TFAP2C: variants seen among roughly 807,000 people sequenced by gnomAD.
TFAP2C encodes activating enhancer-binding protein 2 gamma.
TFAP2C carries 9 observed loss-of-function variants against 42.9 expected under a neutral mutation model. The observed-to-expected ratio is 0.21, with a 90% CI of 0.13 to 0.37. The LOEUF (loss-of-function observed/expected upper bound fraction) is 0.37, where lower values mean the gene tolerates loss of function less well. Ranked by LOEUF, TFAP2C falls within the 10% of genes least tolerant of loss-of-function variation. The pLI is 1.00. For synonymous variants in TFAP2C, 264 were observed against 256.0 expected (o/e 1.03, Z -0.30); for missense variants, 462 against 591.7 (o/e 0.78, Z 2.27).
Position 56,631,888 on chromosome 20 carries a change from G to C in TFAP2C, c.586+32G>C, listed in dbSNP as rs1373216855. On this transcript the variant is annotated intron_variant, in intron 3 of 6. Coordinates refer to ENST00000201031, the MANE Select transcript of TFAP2C (RefSeq NM_003222.4). The surrounding 1 kb of genome is among the most constrained non-coding windows in gnomAD (Gnocchi z 6.1). ...AGCAAGGTGGCATCGTCTAACTCTG[G>C]TCACACGATCTGGGCTTGTGAAGTT... 1 of 1,613,590 alleles carries C rather than the reference G, an allele frequency of 6.2e-7. No homozygotes were observed. The highest frequency in any genetic ancestry group is 8.5e-7 in the Non-Finnish European group (1 of 1,179,540).
Position 56,635,554 on chromosome 20 carries a change from C to A in TFAP2C, c.923-1056C>A, listed in dbSNP as rs184564363. Among the ~76,000 whole-genome samples, 14 of 151,832 alleles carry A rather than the reference C, an allele frequency of 9.2e-5. 1 individual carries two copies. The East Asian group carries it at 2.1e-3, about 23-fold the overall frequency. ...GATCTGCCCCTTCAGTAAAAAGGCACTATTAAAAAAAAAGTAAGCTGTCAG... is the reference window on the plus strand; with the variant it reads ...GATCTGCCCCTTCAGTAAAAAGGCAATATTAAAAAAAAAGTAAGCTGTCAG... On this transcript the variant is annotated intron_variant, in intron 5 of 6. Coordinates refer to ENST00000201031, the MANE Select transcript of TFAP2C (RefSeq NM_003222.4).
At position 56,635,720 on chromosome 20, in the gene TFAP2C, G is replaced by T. The variant is rs578000014; in HGVS notation, c.923-890G>T. On this transcript the variant is annotated intron_variant, in intron 5 of 6. Transcript: ENST00000201031. The stretch of plus-strand genomic sequence containing the variant: ...ATGTTTGATTATCTGTTGAGCAGAG[G>T]ACTGGTAAACATTTTTCAAGTTTAC... 4.6e-3 allele frequency among the ~76,000 whole-genome samples: 701 copies of T among 152,228 alleles called. 5 individuals are homozygous for T. The highest frequency in any genetic ancestry group is 0.016 in the African/African-American group (681 of 41,502).
Position 56,637,897 on chromosome 20 carries a change from C to T in TFAP2C, c.1237C>T (p.Gln413Ter). The stretch of plus-strand genomic sequence containing the variant: ...CATCTGTGCCGCGGTGTCTGCCCTG[C>T]AGAACTACATCAAAGAAGCCCTGAT... ...QAICAAVSAL[Q>*]NYIKEALIVI... The change falls in exon 7 of 7, where the codon CAG (glutamine) becomes TAG (stop). Residue 413 changes from glutamine (Q) to a stop codon, truncating the protein, a stop_gained. Transcript: ENST00000201031. LOFTEE classifies it high-confidence loss of function. 1 of 1,606,838 alleles carries T rather than the reference C, an allele frequency of 6.2e-7. No individual in the cohort carries two copies. Among genetic ancestry groups the T allele is most frequent in the Non-Finnish European group, 8.5e-7 (1 of 1,173,322 alleles).
chr20:56,635,388 G>C (rs1987564908), intron 5 of TFAP2C, among the ~76,000 whole-genome samples: 1 of 152,152 alleles, frequency 6.6e-6, no homozygotes, highest in African/African-American at 2.4e-5. Context: ...CCTGGAGCCA[G>C]GGAAGGTACC....
Position 56,631,586 on chromosome 20 carries a change from C to T in TFAP2C, c.430C>T (p.Arg144Cys), listed in dbSNP as rs774530426. ...GGTGAGCGCCCGCAGGGATGCCTAC[C>T]GCCGCTCCGACCTGCTGCTGCCCCA... is the stretch of plus-strand genomic sequence containing the variant. ...GAVSARRDAY[R>C]RSDLLLPHAH... is the part of the protein sequence containing the mutation. The change falls in exon 2 of 7, where the codon CGC becomes TGC. Residue 144 changes from arginine to cysteine, a missense_variant. Arg to Cys is a radical substitution (Grantham distance 180). Transcript: ENST00000201031. The surrounding 1 kb of genome is among the most constrained non-coding windows in gnomAD (Gnocchi z 6.1). The T allele has an allele frequency of 3.9e-6, 6 of 1,543,696 alleles. No individual in the cohort carries two copies. The highest frequency in any genetic ancestry group is 4.3e-6 in the Non-Finnish European group (5 of 1,152,250).
chr20:56,638,898 A>T lies in TFAP2C; in HGVS notation c.*885A>T, dbSNP rs1360623609. The T allele has an allele frequency of 1.3e-5, 2 of 152,486 alleles. No individual in the cohort carries two copies. Among genetic ancestry groups the T allele is most frequent in the African/African-American group, 4.8e-5 (2 of 41,404 alleles). The allele number at this position is 152,486 out of a possible 1,614,324, so 9.4% of individuals were successfully genotyped here. On this transcript the variant is annotated 3_prime_UTR_variant, in exon 7 of 7. Coordinates refer to ENST00000201031, the MANE Select transcript of TFAP2C (RefSeq NM_003222.4). ...GAGTGTACAGATTTTATTTATGCGT[A>T]ATTTAATGGGGTCTGTAAATACTGG...
chr20:56,635,963 A>G (rs1987575676), intron 5 of TFAP2C, among the ~76,000 whole-genome samples: 1 of 152,206 alleles, frequency 6.6e-6, no homozygotes, highest in Non-Finnish European at 1.5e-5. Context: ...GTGTGTGTTC[A>G]GTACAGACAC....
chr20:56,635,370 T>C (rs576110491), intron 5 of TFAP2C, among the ~76,000 whole-genome samples: 377 of 152,204 alleles, frequency 2.5e-3, no homozygotes, highest in Admixed American at 4.6e-3. Context: ...AGCTCACCAG[T>C]CCTGCACCCT....
At chr20:56,633,618 G>A (rs757613838) in intron 4 of TFAP2C, 49 bp downstream of exon 4, 149 of 1,380,864 alleles carry the variant, frequency 1.1e-4, no homozygotes, top group Non-Finnish European at 1.5e-4. Flanking sequence ...TTGAAGGTGA[G>A]TGTATCAGAG....
At chr20:56,632,908 C>T (rs1168539757) in intron 3 of TFAP2C, among the ~76,000 whole-genome samples, 1 of 152,058 alleles carries the variant, frequency 6.6e-6, no homozygotes, top group Non-Finnish European at 1.5e-5. Flanking sequence ...AGATTTGTCT[C>T]TGAAGTAGGG....
rs1190237369 is a variant in TFAP2C at position 56,630,595 on chromosome 20, C to T, written c.49-610C>T. On this transcript the variant is annotated intron_variant, in intron 1 of 6. Coordinates refer to ENST00000201031, the MANE Select transcript of TFAP2C (RefSeq NM_003222.4). The surrounding 1 kb of genome is among the most constrained non-coding windows in gnomAD (Gnocchi z 5.1). ...GGGCCCGGCCAGCAGGGAGGGCCGC[C>T]CTGTGCGCGCGCTCCCTCTTCACTT... is the stretch of plus-strand genomic sequence containing the variant. 2.6e-6 allele frequency: 2 copies of T among 762,028 alleles called. No homozygotes were observed. The highest frequency in any genetic ancestry group is 2.6e-4 in the East Asian group (2 of 7,780). The allele number at this position is 762,028 out of a possible 1,614,324, so 47.2% of individuals were successfully genotyped here.
Position 56,638,415 on chromosome 20 carries a change from C to CT in TFAP2C, c.*410dup, listed in dbSNP as rs1209061389. On this transcript the variant is annotated 3_prime_UTR_variant, in exon 7 of 7. Transcript: ENST00000201031. ...CCCTAGATCAACAGATCAACAATACCTTTTTTTTCAGTGTTAAGGTAATGG... is the reference window on the plus strand; with the variant it reads ...CCCTAGATCAACAGATCAACAATACCTTTTTTTTTCAGTGTTAAGGTAATGG... The CT allele has an allele frequency of 6.6e-5, 11 of 166,060 alleles. No homozygotes were observed. The highest frequency in any genetic ancestry group is 1.1e-4 in the Admixed American group (2 of 17,490). The allele number at this position is 166,060 out of a possible 1,614,324, so 10.3% of individuals were successfully genotyped here. A position where few individuals can be genotyped will look rare whatever the true frequency, so the allele number is the denominator to read the frequency against.
rs971300475 is a variant in TFAP2C, at chr20:56,638,147, C to T, written c.*134C>T. 4 of 784,942 alleles carry T rather than the reference C, an allele frequency of 5.1e-6. No individual in the cohort carries two copies. In the African/African-American group the frequency reaches 7.0e-5, roughly 14 times the overall value. The allele number at this position is 784,942 out of a possible 1,614,324, so 48.6% of individuals were successfully genotyped here. On this transcript the variant is annotated 3_prime_UTR_variant, in exon 7 of 7. Coordinates refer to ENST00000201031, the MANE Select transcript of TFAP2C (RefSeq NM_003222.4). ...CCTACCTTACTATTTAAAGAGCCTTCACTGGTTCTGCATCACCCGCCCCTG... is the reference window on the plus strand; with the variant it reads ...CCTACCTTACTATTTAAAGAGCCTTTACTGGTTCTGCATCACCCGCCCCTG...
Position 56,630,959 on chromosome 20 carries a change from C to T in TFAP2C, c.49-246C>T. Reference sequence around the variant, plus strand: ...CTTGGGAGCAGCGCCTAGACCTTCGCCGCCGGGCTTTGAGAACTCGTTCCC... The same window carrying T: ...CTTGGGAGCAGCGCCTAGACCTTCGTCGCCGGGCTTTGAGAACTCGTTCCC... On this transcript the variant is annotated intron_variant, in intron 1 of 6. Transcript: ENST00000201031. The surrounding 1 kb of genome is among the most constrained non-coding windows in gnomAD (Gnocchi z 5.1). 1 of 985,426 alleles carries T rather than the reference C, an allele frequency of 1.0e-6. No individual in the cohort carries two copies. The highest frequency in any genetic ancestry group is 1.2e-6 in the Non-Finnish European group (1 of 829,926). The allele number at this position is 985,426 out of a possible 1,614,324, so 61.0% of individuals were successfully genotyped here.
At chr20:56,637,630 C>G in intron 6 of TFAP2C, 98 bp from the exon 7 acceptor site, 1 of 1,190,124 alleles carries the variant, frequency 8.4e-7, no homozygotes, top group Non-Finnish European at 1.2e-6. Flanking sequence ...AGCAGTTGTG[C>G]TTGCCTCCCG....
Position 56,630,926 on chromosome 20 carries a change from G to T in TFAP2C, c.49-279G>T, listed in dbSNP as rs943720955. On this transcript the variant is annotated intron_variant, in intron 1 of 6. Coordinates refer to ENST00000201031, the MANE Select transcript of TFAP2C (RefSeq NM_003222.4). This position sits in a 1 kb window ranked among gnomAD's most constrained non-coding sequence, Gnocchi z 5.1. ...GGGTTCGGACTTGGCGCCTCCAAGC[G>T]CCTCGGGCTTGGGAGCAGCGCCTAG... 3.0e-6 allele frequency: 3 copies of T among 985,228 alleles called. No homozygotes were observed. The highest frequency in any genetic ancestry group is 5.2e-4 in the Middle Eastern group (1 of 1,936). The allele number at this position is 985,228 out of a possible 1,614,324, so 61.0% of individuals were successfully genotyped here. A position where few individuals can be genotyped will look rare whatever the true frequency, so the allele number is the denominator to read the frequency against.
At chr20:56,633,265 C>G in intron 3 of TFAP2C, 88 bp from the exon 4 acceptor site, 1 of 981,786 alleles carries the variant, frequency 1.0e-6, no homozygotes, top group South Asian at 1.5e-5. Context: ...GTCTAAAGAT[C>G]ACTTTCAGCT....
chr20:56,634,091 T>C (rs1260907836), intron 4 of TFAP2C, 59 bp from the exon 5 acceptor site: 1 of 1,138,072 alleles, frequency 8.8e-7, no homozygotes, highest in African/African-American at 1.5e-5. Context: ...TTTTAAAGTG[T>C]GCGTGTGTAT....
At position 56,637,715 on chromosome 20, in the gene TFAP2C, AC is replaced by A; in HGVS notation, c.1068-12del. On this transcript the variant is annotated splice_polypyrimidine_tract_variant and intron_variant, in intron 6 of 6. Coordinates refer to ENST00000201031, the MANE Select transcript of TFAP2C (RefSeq NM_003222.4). ...TAGATGGAACTCATCGAGTCAACTG[AC>A]TGTCTTCACAGGCAACTGTGTAAAG... The A allele has an allele frequency of 6.2e-7, 1 of 1,612,800 alleles. No individual in the cohort carries two copies.
Sources: gnomAD v4.1 joint callset for allele counts (sites outside exome capture counted in the v4.1 genomes callset) on GRCh38, gnomAD v4.1.1 for gene constraint, Gnocchi (gnomAD v3.1) non-coding constraint, MANE v1.5 for transcripts, NCBI Gene and HGNC (gene_info 2026-07-23, HGNC 2026-07-21) for gene names.